The following UBXN6 variants were observed in gnomAD, a reference collection of about 807,000 sequenced individuals.
UBXN6 encodes the protein UBX domain-containing protein 6.
UBXN6 carries 44 observed loss-of-function variants against 51.4 expected under a neutral mutation model. That is an observed-to-expected ratio of 0.86 (90% CI 0.67 to 1.10). UBXN6 has a LOEUF of 1.10. Among genes scored for constraint, UBXN6 ranks in the 50% least tolerant of loss-of-function variants. The probability of loss-of-function intolerance (pLI) is 0.00; values close to 1 mark genes in which losing one functional copy is unlikely to be tolerated. For missense variants in UBXN6, 672 were observed against 596.1 expected, an observed-to-expected ratio of 1.13 and a Z score of -1.32; for synonymous variants, 316 against 263.2, an observed-to-expected ratio of 1.20 and a Z score of -1.94.
intron 6 of UBXN6, 157 bp from the exon 7 acceptor site, chr19:4,447,077 C>T (rs1462094000): frequency 1.5e-6 from 1 of 675,222 alleles, no homozygotes; most frequent in Non-Finnish European, 2.5e-6. Context: ...GGATGCAAAC[C>T]TGCTTTTCTA....
chr19:4,453,426 C>T (rs1365275014), intron 3 of UBXN6, 32 bp downstream of exon 3: 4 of 1,607,428 alleles, frequency 2.5e-6, no homozygotes, highest in African/African-American at 1.3e-5. Flanking sequence ...CACCCCTTGG[C>T]ATGGGACAGT....
At chr19:4,445,982 CTG>C (rs1974503535) in intron 10 of UBXN6, 65 bp downstream of exon 10, 3 of 1,531,250 alleles carry the variant, frequency 2.0e-6, no homozygotes, top group Middle Eastern at 1.8e-4. Flanking sequence ...CTGGGGGTGT[CTG>C]TGCCGGTCCC....
At chr19:4,454,563 A>G (rs1395697913) in intron 1 of UBXN6, among the ~76,000 whole-genome samples, 1 of 152,156 alleles carries the variant, frequency 6.6e-6, no homozygotes, top group Non-Finnish European at 1.5e-5. Flanking sequence ...GCTGGGACTT[A>G]GAGGCAAGCA....
intron 1 of UBXN6, among the ~76,000 whole-genome samples, chr19:4,454,416 C>T (rs1198843598): frequency 6.6e-6 from 1 of 152,178 alleles, no homozygotes; most frequent in Non-Finnish European, 1.5e-5. Context: ...GGCACCTTGA[C>T]ATCCTCAGTG....
intron 8 of UBXN6, 37 bp from the exon 9 acceptor site, chr19:4,446,450 G>A: frequency 6.3e-7 from 1 of 1,581,812 alleles, no homozygotes; most frequent in Non-Finnish European, 8.6e-7. Context: ...GCTGGCCGGG[G>A]TTCTTCCACC....
Position 4,452,366 on chromosome 19 carries a change from A to G in UBXN6, c.439T>C (p.Leu147=). ...RDACIKEAIL[L]HFSTDPVAAS... is the part of the protein sequence containing the mutation. ...GGAGCACACAGGGTGCCACTCACCA[A>G]GAGAATGGCCTCCTTGATGCAGGCG... Residue 147 remains leucine, a splice_region_variant and synonymous_variant, in exon 4 of 11, where the codon TTG becomes CTG. Transcript: ENST00000301281. 6.2e-7 allele frequency: 1 copy of G among 1,613,496 alleles called. No homozygotes were observed. Among genetic ancestry groups the G allele is most frequent in the Non-Finnish European group, 8.5e-7 (1 of 1,179,690 alleles).
chr19:4,447,067 G>T, intron 6 of UBXN6, 147 bp from the exon 7 acceptor site: 1 of 721,034 alleles, frequency 1.4e-6, no homozygotes, highest in Admixed American at 2.6e-5. Context: ...CCTCAGTGCT[G>T]GATGCAAACC....
At chr19:4,453,057 T>C (rs1974680883) in intron 3 of UBXN6, among the ~76,000 whole-genome samples, 1 of 152,180 alleles carries the variant, frequency 6.6e-6, no homozygotes, top group Non-Finnish European at 1.5e-5. Flanking sequence ...GACTGGGCAG[T>C]GCTAGGGGAC....
intron 9 of UBXN6, 31 bp from the exon 10 acceptor site, chr19:4,446,228 G>A: frequency 6.3e-7 from 1 of 1,579,552 alleles, no homozygotes; most frequent in Non-Finnish European, 8.6e-7. Flanking sequence ...AGCGGGTGGG[G>A]CCCAGGGCCC....
At position 4,454,040 on chromosome 19, in the gene UBXN6, T is replaced by A. The variant is rs755651112; in HGVS notation, c.137A>T (p.Gln46Leu). The A allele has an allele frequency of 6.3e-7, 1 of 1,592,046 alleles. No homozygotes were observed. Among genetic ancestry groups the A allele is most frequent in the Non-Finnish European group, 8.5e-7 (1 of 1,171,654 alleles). ...PNQPAPRPPR[Q>L]GPTNEAQMAA... ...CATCTGTGCCTCATTGGTGGGTCCC[T>A]GGCGGGGCGGCCTGGGGGCTGGCTG... The change falls in exon 2 of 11, where the codon CAG (glutamine) becomes CTG (leucine). Residue 46 changes from glutamine (Q) to leucine (L), a missense_variant. Transcript: ENST00000301281.
At chr19:4,457,434 C>T (rs1454858001) in intron 1 of UBXN6, among the ~76,000 whole-genome samples, 181 bp downstream of exon 1, 1 of 133,722 alleles carries the variant, frequency 7.5e-6, no homozygotes. Flanking sequence ...CTCCCCTCCC[C>T]CTGACGCCCA....
Position 4,454,184 on chromosome 19 carries a change from C to CCAG in UBXN6, c.84-94_84-92dup, listed in dbSNP as rs960123328. On this transcript the variant is annotated intron_variant, in intron 1 of 10. Transcript: ENST00000301281. ...CACACAGAGGAGCTTCTGCCCCTCC[C>CCAG]CAGCACCATCAGCCAGACGTGTCCC... 1.1e-5 allele frequency: 15 copies of CCAG among 1,361,290 alleles called. No individual in the cohort carries two copies. In the African/African-American group the frequency reaches 2.1e-4, roughly 19 times the overall value. The allele number at this position is 1,361,290 out of a possible 1,614,324, so 84.3% of individuals were successfully genotyped here.
intron 6 of UBXN6, chr19:4,447,278 C>A (rs1019802735): frequency 1.4e-5 from 8 of 572,124 alleles, no homozygotes; most frequent in Non-Finnish European, 2.5e-5. Flanking sequence ...TCCCCAGAGT[C>A]GACATGTTCC....
At chr19:4,447,219 C>T (rs985128096) in intron 6 of UBXN6, 2 of 576,118 alleles carry the variant, frequency 3.5e-6, no homozygotes, top group East Asian at 5.8e-5. Context: ...GACCCCAGTC[C>T]CTGCCCTTTC....
intron 3 of UBXN6, among the ~76,000 whole-genome samples, chr19:4,453,065 G>A (rs906772573): frequency 7.9e-5 from 12 of 152,204 alleles, no homozygotes; most frequent in Non-Finnish European, 7.4e-5. Flanking sequence ...AGTGCTAGGG[G>A]ACAGGCTCTG....
intron 4 of UBXN6, chr19:4,449,163 C>T (rs1471373686): frequency 6.5e-6 from 1 of 153,124 alleles, no homozygotes; most frequent in East Asian, 1.9e-4. Context: ...CAAATCCACG[C>T]TCGGCACAGC....
At chr19:4,453,592 C>T in intron 2 of UBXN6, 70 bp from the exon 3 acceptor site, 3 of 1,569,602 alleles carry the variant, frequency 1.9e-6, no homozygotes, top group South Asian at 2.3e-5. Context: ...GCCCAAGCCC[C>T]CTCATTCCCG....
At position 4,452,349 on chromosome 19, in the gene UBXN6, C is replaced by T; in HGVS notation, c.441+15G>A. On this transcript the variant is annotated intron_variant, in intron 4 of 10. Transcript: ENST00000301281. ...AGCTACAGGTTGGGGCAGGAGCACA[C>T]AGGGTGCCACTCACCAAGAGAATGG... 6.2e-7 allele frequency: 1 copy of T among 1,611,790 alleles called. No homozygotes were observed. The highest frequency in any genetic ancestry group is 8.5e-7 in the Non-Finnish European group (1 of 1,178,604).
At position 4,454,003 on chromosome 19, in the gene UBXN6, G is replaced by A. The variant is rs11909; in HGVS notation, c.174C>T (p.Ala58=). ...PTNEAQMAAA[A]ALARLEQKQS... is the part of the protein sequence containing the mutation. ...GCTTCTGCTCCAGCCGGGCTAGGGCGGCAGCGGCTGCCATCTGTGCCTCAT... is the reference window on the plus strand; with the variant it reads ...GCTTCTGCTCCAGCCGGGCTAGGGCAGCAGCGGCTGCCATCTGTGCCTCAT... The change falls in exon 2 of 11, where the codon GCC becomes GCT. Residue 58 remains alanine, a synonymous_variant. Transcript: ENST00000301281. The A allele has an allele frequency of 0.4, 647,314 of 1,608,030 alleles. 133,451 individuals are homozygous for A. Among genetic ancestry groups the A allele is most frequent in the Non-Finnish European group, 0.42 (497,016 of 1,178,686 alleles).
Sources: allele counts gnomAD v4.1 joint callset (sites outside exome capture counted in the v4.1 genomes callset), GRCh38; gene constraint gnomAD v4.1.1; transcripts MANE v1.5; gene names NCBI Gene and HGNC (gene_info 2026-07-23, HGNC 2026-07-21).